The following ATAD5 variants were observed in gnomAD, a reference collection of about 807,000 sequenced individuals.
The protein encoded by ATAD5 is ATPase family AAA domain containing 5, also known as ATPase family AAA domain-containing protein 5.
ATAD5 carries 58 observed loss-of-function variants against 176.9 expected under a neutral mutation model. That is an observed-to-expected ratio of 0.33 (90% CI 0.27 to 0.41). ATAD5 has a LOEUF of 0.41. Ranked by LOEUF, ATAD5 falls within the 10% of genes least tolerant of loss-of-function variation. The probability of loss-of-function intolerance (pLI) is 1.00; values close to 1 mark genes in which losing one functional copy is unlikely to be tolerated. For synonymous variants in ATAD5, 640 were observed against 712.6 expected, an observed-to-expected ratio of 0.90 and a Z score of 1.62; for missense variants, 1,789 against 2,094.1, an observed-to-expected ratio of 0.85 and a Z score of 2.84.
chr17:30,887,129 A>G lies in ATAD5; in HGVS notation c.4078-63A>G, dbSNP rs575252366. ...TGTCTCACTTTTAGATACTATTTGT[A>G]TGTATTATTGCTGTATCTATTTGAA... On this transcript the variant is annotated intron_variant, in intron 18 of 22. Coordinates refer to ENST00000321990, the MANE Select transcript of ATAD5 (RefSeq NM_024857.5). 16 of 1,361,940 alleles carry G rather than the reference A, an allele frequency of 1.2e-5. No individual in the cohort carries two copies. The African/African-American group carries it at 1.5e-4, about 13-fold the overall frequency. 84.4% of individuals were successfully genotyped at this position (1,361,940 alleles called of 1,614,324 possible).
chr17:30,880,634 C>G (rs751635849), intron 18 of ATAD5, among the ~76,000 whole-genome samples: 1 of 151,012 alleles, frequency 6.6e-6, no homozygotes, highest in South Asian at 2.1e-4. Flanking sequence ...GAAAAAAGAG[C>G]TATAATTTAA....
intron 3 of ATAD5, among the ~76,000 whole-genome samples, chr17:30,839,702 GC>G (rs57088489): frequency 1 from 151,131 of 151,138 alleles, 75,562 homozygotes; most frequent in Middle Eastern, 1. Context: ...TGCCTCAGCC[GC>G]CCCAAGTCGT....
At chr17:30,844,803 T>C (rs1906390629) in intron 5 of ATAD5, 32 bp from the exon 6 acceptor site, 12 of 1,310,538 alleles carry the variant, frequency 9.2e-6, no homozygotes, top group Admixed American at 2.1e-5. Flanking sequence ...ATGGTAAACA[T>C]TGATACTAAC....
At position 30,834,296 on chromosome 17, in the gene ATAD5, C is replaced by A. The variant is rs558493540; in HGVS notation, c.215C>A (p.Thr72Lys). 8.1e-6 allele frequency: 13 copies of A among 1,613,434 alleles called. No individual in the cohort carries two copies. In the South Asian group the frequency reaches 1.3e-4, roughly 16 times the overall value. ...GATTATTTTAGAAAGACTTCACCCA[C>A]AAATGAGAAGACACAATTAGGGAAA... Reference protein sequence around the residue: ...ILDYFRKTSPTNEKTQLGKEC... With the variant: ...ILDYFRKTSPKNEKTQLGKEC... Residue 72 changes from threonine (T) to lysine (K), a missense_variant, in exon 2 of 23, where the codon ACA (threonine) becomes AAA (lysine). Thr to Lys is a moderately conservative substitution (Grantham distance 78). Coordinates refer to ENST00000321990, the MANE Select transcript of ATAD5 (RefSeq NM_024857.5).
Position 30,895,256 on chromosome 17 carries a change from TG to T in ATAD5, c.*345del, listed in dbSNP as rs1322526533. On this transcript the variant is annotated 3_prime_UTR_variant, in exon 23 of 23. Coordinates refer to ENST00000321990, the MANE Select transcript of ATAD5 (RefSeq NM_024857.5). ...AGCTTAATATTCAGATACATTATCT[TG>T]GCTGCTAACATTAGTGTCACTAAAG... 1 of 163,728 alleles carries T rather than the reference TG, an allele frequency of 6.1e-6. No homozygotes were observed. The highest frequency in any genetic ancestry group is 1.3e-5 in the Non-Finnish European group (1 of 76,070). 10.1% of individuals were successfully genotyped at this position (163,728 alleles called of 1,614,324 possible). A position where few individuals can be genotyped will look rare whatever the true frequency, so the allele number is the denominator to read the frequency against.
At chr17:30,873,058 T>G (rs550954857) in intron 14 of ATAD5, among the ~76,000 whole-genome samples, 66 of 152,306 alleles carry the variant, frequency 4.3e-4, no homozygotes, top group Admixed American at 2.1e-3. Flanking sequence ...TCCAGTTTTC[T>G]TGTTCTTATT....
At chr17:30,870,721 T>A (rs1197473120) in intron 14 of ATAD5, among the ~76,000 whole-genome samples, 3 of 152,166 alleles carry the variant, frequency 2.0e-5, no homozygotes. Context: ...AGTTGACCAG[T>A]GAGTTTTTGT....
At chr17:30,872,554 CTTTTTTTTTTTCTTTTTTT>C (rs2142405313) in intron 14 of ATAD5, among the ~76,000 whole-genome samples, 1 of 98,432 alleles carries the variant, frequency 1.0e-5, no homozygotes, top group East Asian at 2.5e-4. Context: ...TTTCTTTTTT[CTTTTTTTTTTTCTTTTTTT>C]GAGACGGAGT....
In ATAD5 at chr17:30,858,155, T is replaced by C; in HGVS notation, c.2794-6T>C. On this transcript the variant is annotated splice_polypyrimidine_tract_variant and splice_region_variant and intron_variant, in intron 8 of 22. Coordinates refer to ENST00000321990, the MANE Select transcript of ATAD5 (RefSeq NM_024857.5). ...CTGTTATTGTGCATTTTATTCTTTATTGCAGTTCATGAGGACAAGGAAGGA... is the reference window on the plus strand; with the variant it reads ...CTGTTATTGTGCATTTTATTCTTTACTGCAGTTCATGAGGACAAGGAAGGA... 6.5e-7 allele frequency: 1 copy of C among 1,533,474 alleles called. No homozygotes were observed. Among genetic ancestry groups the C allele is most frequent in the Non-Finnish European group, 8.8e-7 (1 of 1,141,314 alleles). The allele number at this position is 1,533,474 out of a possible 1,614,324, so 95.0% of individuals were successfully genotyped here.
chr17:30,834,343 G>C lies in ATAD5; in HGVS notation c.262G>C (p.Glu88Gln). The C allele has an allele frequency of 6.2e-7, 1 of 1,610,766 alleles. No homozygotes were observed. The highest frequency in any genetic ancestry group is 2.2e-5 in the East Asian group (1 of 44,704). The change falls in exon 2 of 23, where the codon GAA (glutamate) becomes CAA (glutamine). Residue 88 changes from glutamate (E) to glutamine (Q), a missense_variant. Transcript: ENST00000321990. ...GAAAGAGTGCAAGATAAAGTCACCT[G>C]AATCAGTACCTGTTGACAGCAACAA... ...LGKECKIKSP[E>Q]SVPVDSNKDC...
intron 19 of ATAD5, among the ~76,000 whole-genome samples, chr17:30,891,711 A>G (rs1909648714): frequency 6.7e-6 from 1 of 148,702 alleles, no homozygotes; most frequent in South Asian, 2.1e-4. Flanking sequence ...TTTGAGTTGG[A>G]GTCTCGCTCT....
At chr17:30,891,893 C>T (rs1909658362) in intron 19 of ATAD5, among the ~76,000 whole-genome samples, 1 of 147,656 alleles carries the variant, frequency 6.8e-6, no homozygotes, top group Admixed American at 6.8e-5. Flanking sequence ...ACCATGTTGC[C>T]CAGGATGGTC....
intron 10 of ATAD5, 110 bp downstream of exon 10, chr17:30,860,722 T>G: frequency 1.1e-6 from 1 of 910,654 alleles, no homozygotes; most frequent in Non-Finnish European, 1.5e-6. Flanking sequence ...TTTAATTCAA[T>G]TGTATTTTAA....
At chr17:30,860,333 A>T (rs1907551615) in intron 9 of ATAD5, 100 bp from the exon 10 acceptor site, 1 of 1,384,618 alleles carries the variant, frequency 7.2e-7, no homozygotes, top group Non-Finnish European at 9.8e-7. Context: ...TTGCCTTTGC[A>T]TTTTAAAGTT....
chr17:30,844,120 T>C, intron 5 of ATAD5, 81 bp downstream of exon 5: 1 of 920,822 alleles, frequency 1.1e-6, no homozygotes, highest in Non-Finnish European at 1.5e-6. Context: ...TGTTCTGGGG[T>C]ATTTATTTAT....
intron 9 of ATAD5, 112 bp from the exon 10 acceptor site, chr17:30,860,321 G>A (rs1907550891): frequency 1.6e-6 from 2 of 1,250,482 alleles, no homozygotes; most frequent in East Asian, 5.2e-5. Flanking sequence ...ACTGCACCTG[G>A]ATTGCCTTTG....
chr17:30,854,678 T>C (rs570215793), intron 6 of ATAD5, among the ~76,000 whole-genome samples: 1 of 151,886 alleles, frequency 6.6e-6, no homozygotes, highest in East Asian at 2.0e-4. Flanking sequence ...TGCCAATTTA[T>C]TTAATTTTTA....
At chr17:30,840,889 A>G in intron 4 of ATAD5, 108 bp downstream of exon 4, 1 of 1,107,742 alleles carries the variant, frequency 9.0e-7, no homozygotes, top group Non-Finnish European at 1.3e-6. Context: ...TGATAGCTTG[A>G]AGTGGTAGAG....
At chr17:30,856,819 C>T (rs1567686442) in intron 7 of ATAD5, 136 bp from the exon 8 acceptor site, 4 of 753,624 alleles carry the variant, frequency 5.3e-6, no homozygotes, top group Admixed American at 4.0e-5. Context: ...ATTTTGTTCC[C>T]TTTATAGTCA....
Sources: gnomAD v4.1 joint callset for allele counts (sites outside exome capture counted in the v4.1 genomes callset) on GRCh38, gnomAD v4.1.1 for gene constraint, MANE v1.5 for transcripts, NCBI Gene and HGNC (gene_info 2026-07-23, HGNC 2026-07-21) for gene names.